The following MARCHF6 variants were observed in gnomAD, a reference collection of about 807,000 sequenced individuals.
MARCHF6 encodes the protein E3 ubiquitin-protein ligase MARCHF6.
Under a neutral mutation model 133.7 loss-of-function variants are expected in MARCHF6, and 31 were observed. The ratio of observed to expected loss-of-function variants is 0.23; its 90% confidence interval spans 0.17 to 0.31. The LOEUF is 0.31. MARCHF6 is among the 10% of genes least tolerant of loss of function. The pLI is 1.00. For synonymous variants in MARCHF6, 395 were observed against 402.5 expected, an observed-to-expected ratio of 0.98 and a Z score of 0.22; for missense variants, 723 against 1,121.6, an observed-to-expected ratio of 0.64 and a Z score of 5.08.
Position 10,408,263 on chromosome 5 carries a change from G to T in MARCHF6, c.1553+1061G>T, listed in dbSNP as rs192735397. On this transcript the variant is annotated intron_variant, in intron 17 of 25. Transcript: ENST00000274140. ...CTAGAACTTGGATTATTTTACCCCT[G>T]TGTTTAAAAGTTGGCAGCACTTCCT... is the stretch of plus-strand genomic sequence containing the variant. 3.3e-5 allele frequency among the ~76,000 whole-genome samples: 5 copies of T among 152,120 alleles called. No individual in the cohort carries two copies. In the East Asian group the frequency reaches 9.8e-4, roughly 30 times the overall value.
At chr5:10,367,480 A>G (rs997892825) in intron 1 of MARCHF6, among the ~76,000 whole-genome samples, 1 of 152,214 alleles carries the variant, frequency 6.6e-6, no homozygotes, top group East Asian at 1.9e-4. Context: ...TTAAATTATC[A>G]CTGATTTAAC....
chr5:10,427,480 A>G (rs1357182189), intron 24 of MARCHF6, among the ~76,000 whole-genome samples: 1 of 152,102 alleles, frequency 6.6e-6, no homozygotes, highest in Non-Finnish European at 1.5e-5. Flanking sequence ...ACTCCATGTC[A>G]TATACTCTGA....
chr5:10,432,899 CTTTTTTTTT>C (rs752051489), intron 25 of MARCHF6, among the ~76,000 whole-genome samples: 2 of 136,222 alleles, frequency 1.5e-5, no homozygotes, highest in Non-Finnish European at 3.1e-5. Context: ...TCCCTTCCTA[CTTTTTTTTT>C]TTTTTTTTTT....
chr5:10,410,403 TA>T, intron 18 of MARCHF6, 127 bp downstream of exon 18: 1 of 1,120,916 alleles, frequency 8.9e-7, no homozygotes, highest in East Asian at 2.6e-5. Flanking sequence ...AATTTAGTAA[TA>T]TTTGCAATTG....
intron 4 of MARCHF6, among the ~76,000 whole-genome samples, chr5:10,383,625 C>T (rs1252163812): frequency 1.3e-5 from 2 of 152,152 alleles, no homozygotes; most frequent in Non-Finnish European, 2.9e-5. Context: ...GAAGGACAAA[C>T]TACAGATGTT....
chr5:10,434,887 T>A lies in MARCHF6; in HGVS notation c.*1203T>A, dbSNP rs1005686209. On this transcript the variant is annotated 3_prime_UTR_variant, in exon 26 of 26. Transcript: ENST00000274140. The stretch of plus-strand genomic sequence containing the variant: ...GCTGGCCTTTTAACATAGGAATGTA[T>A]TTCGTTGGAAACATTCTGAAAAATC... 72 of 152,786 alleles carry A rather than the reference T, an allele frequency of 4.7e-4. 1 individual carries two copies. Among genetic ancestry groups the A allele is most frequent in the African/African-American group, 1.6e-3 (68 of 41,584 alleles). The allele number at this position is 152,786 out of a possible 1,614,324, so 9.5% of individuals were successfully genotyped here.
chr5:10,356,510 C>G (rs1298344771), intron 1 of MARCHF6, among the ~76,000 whole-genome samples: 5 of 151,766 alleles, frequency 3.3e-5, no homozygotes, highest in Non-Finnish European at 7.4e-5. Flanking sequence ...ATTCTCCTGT[C>G]TCAGCCTCCT....
At position 10,394,799 on chromosome 5, in the gene MARCHF6, ATTTTT is replaced by A. The variant is rs201911419; in HGVS notation, c.861+28_861+32del. 5.8e-5 allele frequency: 72 copies of A among 1,241,972 alleles called. No homozygotes were observed. Among genetic ancestry groups the A allele is most frequent in the Admixed American group, 2.1e-4 (9 of 42,198 alleles). 76.9% of individuals were successfully genotyped at this position (1,241,972 alleles called of 1,614,324 possible). ...CTAGTTTTTCTGGTAAGTAAAACTA[ATTTTT>A]TTTTTTTTTTTTTGAGACGGAATCT... On this transcript the variant is annotated intron_variant, in intron 9 of 25. Coordinates refer to ENST00000274140, the MANE Select transcript of MARCHF6 (RefSeq NM_005885.4).
At chr5:10,431,401 A>T (rs1278460193) in intron 25 of MARCHF6, among the ~76,000 whole-genome samples, 1 of 152,092 alleles carries the variant, frequency 6.6e-6, no homozygotes, top group Non-Finnish European at 1.5e-5. Context: ...TGCCCTTCTC[A>T]GCCTTTGCCA....
At chr5:10,408,244 C>T (rs1739026492) in intron 17 of MARCHF6, among the ~76,000 whole-genome samples, 1 of 152,196 alleles carries the variant, frequency 6.6e-6, no homozygotes, top group African/African-American at 2.4e-5. Context: ...TTTTCTAGAA[C>T]TTGGATTATT....
At chr5:10,392,060 G>A (rs1737889386) in intron 7 of MARCHF6, among the ~76,000 whole-genome samples, 1 of 151,046 alleles carries the variant, frequency 6.6e-6, no homozygotes. Flanking sequence ...CTGGGTTCAC[G>A]CCATTCTCCG....
rs867797662 is a variant in MARCHF6, at chr5:10,393,626, C to G, written c.767-456C>G. Among the ~76,000 whole-genome samples the G allele has an allele frequency of 2.0e-4, 30 of 152,312 alleles. No homozygotes were observed. The Middle Eastern group carries it at 0.01, about 52-fold the overall frequency. On this transcript the variant is annotated intron_variant, in intron 7 of 25. Coordinates refer to ENST00000274140, the MANE Select transcript of MARCHF6 (RefSeq NM_005885.4). ...CTTGCTCCACATAGTTCATATTACT[C>G]TGCTGCCTTTAAATCTTTTAGTAGT...
intron 8 of MARCHF6, 82 bp from the exon 9 acceptor site, chr5:10,394,671 A>G (rs1738066323): frequency 9.2e-7 from 1 of 1,081,340 alleles, no homozygotes; most frequent in African/African-American, 1.6e-5. Context: ...AGATATTGAA[A>G]GGAAAATGAG....
intron 25 of MARCHF6, among the ~76,000 whole-genome samples, chr5:10,430,886 A>C (rs1458279201): frequency 6.6e-6 from 1 of 152,186 alleles, no homozygotes; most frequent in East Asian, 1.9e-4. Context: ...AAAGCCAAGG[A>C]AAACACCTTC....
At chr5:10,386,584 T>C (rs1737496609) in intron 4 of MARCHF6, among the ~76,000 whole-genome samples, 1 of 152,252 alleles carries the variant, frequency 6.6e-6, no homozygotes, top group African/African-American at 2.4e-5. Context: ...AAAAATTCTC[T>C]TAATTTCAAA....
Position 10,372,002 on chromosome 5 carries a change from G to A in MARCHF6, c.20-5796G>A, listed in dbSNP as rs372695818. On this transcript the variant is annotated intron_variant, in intron 1 of 25. Coordinates refer to ENST00000274140, the MANE Select transcript of MARCHF6 (RefSeq NM_005885.4). ...TAGCTGAATGTGGTGGTGTGCTCCT[G>A]TAATGCCCACTCCTCATAGATATTT... Among the ~76,000 whole-genome samples, 5 of 151,298 alleles carry A rather than the reference G, an allele frequency of 3.3e-5. No individual in the cohort carries two copies. In the East Asian group the frequency reaches 7.7e-4, roughly 23 times the overall value.
At chr5:10,374,595 T>C (rs1348724011) in intron 1 of MARCHF6, among the ~76,000 whole-genome samples, 1 of 152,194 alleles carries the variant, frequency 6.6e-6, no homozygotes, top group East Asian at 1.9e-4. Flanking sequence ...ATTGCACCGC[T>C]AGGACTCAAA....
At chr5:10,396,187 G>T (rs866201243) in intron 9 of MARCHF6, among the ~76,000 whole-genome samples, 3 of 152,316 alleles carry the variant, frequency 2.0e-5, no homozygotes, top group African/African-American at 7.2e-5. Context: ...GAATGAGACA[G>T]GGTCCCTGTT....
At chr5:10,381,728 CTA>C (rs1390432909) in intron 3 of MARCHF6, 70 bp from the exon 4 acceptor site, 2 of 1,195,558 alleles carry the variant, frequency 1.7e-6, no homozygotes, top group East Asian at 2.6e-5. Context: ...TAGTTAATGT[CTA>C]TTTTATATTT....
Sources: allele counts gnomAD v4.1 joint callset (sites outside exome capture counted in the v4.1 genomes callset), GRCh38; gene constraint gnomAD v4.1.1; transcripts MANE v1.5; gene names NCBI Gene and HGNC (gene_info 2026-07-23, HGNC 2026-07-21).